WT1: variants seen among roughly 807,000 people sequenced by gnomAD.
WT1 encodes the protein Wilms tumor protein.
Under a neutral mutation model 60.8 loss-of-function variants are expected in WT1, and 8 were observed. That is an observed-to-expected ratio of 0.13 (90% CI 0.08 to 0.24). WT1 has a LOEUF of 0.24. Among genes scored for constraint, WT1 ranks in the 10% least tolerant of loss-of-function variants. The pLI is 1.00. For synonymous variants in WT1, 312 were observed against 297.1 expected (o/e 1.05, Z -0.52); for missense variants, 568 against 711.8 (o/e 0.80, Z 2.30).
intron 3 of WT1, among the ~76,000 whole-genome samples, chr11:32,418,722 G>T (rs1033990165): frequency 2.0e-5 from 3 of 152,102 alleles, no homozygotes; most frequent in Non-Finnish European, 4.4e-5. Context: ...GCTTTTTTCA[G>T]GCCAAGCATA....
chr11:32,395,761 C>CT (rs74309158), intron 7 of WT1, among the ~76,000 whole-genome samples: 15 of 149,612 alleles, frequency 1.0e-4, no homozygotes, highest in African/African-American at 2.7e-4. Flanking sequence ...CATGACTGAC[C>CT]TTTTTTTTTT....
intron 6 of WT1, among the ~76,000 whole-genome samples, chr11:32,397,167 C>A (rs991751825): frequency 1.1e-4 from 17 of 152,220 alleles, no homozygotes; most frequent in South Asian, 2.1e-4. Context: ...AACAAAGAGG[C>A]AAGCTCCCCT....
chr11:32,418,964 T>C (rs185733434), intron 3 of WT1, among the ~76,000 whole-genome samples: 1 of 152,322 alleles, frequency 6.6e-6, no homozygotes, highest in Non-Finnish European at 1.5e-5. Context: ...ACTCAAAGTA[T>C]GTGCCGTTTC....
chr11:32,424,160 CAAAAAA>C (rs10690035), intron 3 of WT1, among the ~76,000 whole-genome samples: 1 of 92,232 alleles, frequency 1.1e-5, no homozygotes, highest in Non-Finnish European at 2.1e-5. Flanking sequence ...GATGCCATCT[CAAAAAA>C]AAAAAAAAAA....
At chr11:32,412,267 A>G (rs567806462) in intron 5 of WT1, among the ~76,000 whole-genome samples, 4 of 152,216 alleles carry the variant, frequency 2.6e-5, no homozygotes, top group Admixed American at 6.5e-5. Context: ...TTCACCACAC[A>G]TCACTCATTG....
At chr11:32,433,875 C>T (rs935076184) in intron 1 of WT1, among the ~76,000 whole-genome samples, 2 of 152,196 alleles carry the variant, frequency 1.3e-5, no homozygotes, top group African/African-American at 4.8e-5. Context: ...CCAGCTGAGC[C>T]CCGCGTTTAC....
intron 5 of WT1, among the ~76,000 whole-genome samples, chr11:32,408,537 AAAAAAAGAAAGAAAG>A (rs1852396283): frequency 6.9e-6 from 1 of 145,450 alleles, no homozygotes; most frequent in Non-Finnish European, 1.5e-5. Flanking sequence ...AAAAAAAAAA[AAAAAAAGAAAGAAAG>A]AAAAAAGAAA....
intron 5 of WT1, among the ~76,000 whole-genome samples, chr11:32,402,338 G>C (rs917170490): frequency 1.3e-5 from 2 of 152,224 alleles, no homozygotes; most frequent in African/African-American, 2.4e-5. Flanking sequence ...TGTTTGTCAG[G>C]AGAAAGAGGC....
In WT1 at chr11:32,388,958, T is replaced by C. The variant is rs1851738551; in HGVS notation, c.*100A>G. On this transcript the variant is annotated 3_prime_UTR_variant, in exon 10 of 10. Coordinates refer to ENST00000452863, the MANE Select transcript of WT1 (RefSeq NM_024426.6). ...TGGAAGTTGGATGAAGAAGATCAAC[T>C]GAAGTTTCCTTTTTAGTGAGGAGGA... 5.6e-6 allele frequency: 9 copies of C among 1,594,414 alleles called. No individual in the cohort carries two copies. In the Middle Eastern group the frequency reaches 6.4e-4, roughly 113 times the overall value.
Position 32,416,539 on chromosome 11 carries a change from C to A in WT1, c.967G>T (p.Val323Phe). 6.2e-7 allele frequency: 1 copy of A among 1,614,070 alleles called. No individual in the cohort carries two copies. Among genetic ancestry groups the A allele is most frequent in the Non-Finnish European group, 8.5e-7 (1 of 1,180,006 alleles). Residue 323 changes from valine to phenylalanine, a missense_variant and splice_region_variant, in exon 5 of 10, where the codon GTT (valine) becomes TTT (phenylalanine). Val to Phe is a conservative substitution (Grantham distance 50). Coordinates refer to ENST00000452863, the MANE Select transcript of WT1 (RefSeq NM_024426.6). Reference sequence around the variant, plus strand: ...ACTGAGCTGGAGCTCCCAGCAGCAACTCTAGAAAAGAAGAAGAGGTGGGGA... The same window carrying A: ...ACTGAGCTGGAGCTCCCAGCAGCAAATCTAGAAAAGAAGAAGAGGTGGGGA...
chr11:32,389,284 TC>T (rs1851750329), intron 9 of WT1, 105 bp from the exon 10 acceptor site: 2 of 1,588,550 alleles, frequency 1.3e-6, no homozygotes, highest in Admixed American at 3.4e-5. Context: ...ACTCTGAATT[TC>T]CCATCATTCT....
At chr11:32,416,690 T>G (rs544069702) in intron 4 of WT1, 150 bp from the exon 5 acceptor site, 1 of 983,208 alleles carries the variant, frequency 1.0e-6, no homozygotes, top group Non-Finnish European at 1.6e-6. Flanking sequence ...CCAGTCCCAC[T>G]GGGGCCAATG....
chr11:32,427,114 C>G (rs1433207214), intron 3 of WT1, among the ~76,000 whole-genome samples: 2 of 152,206 alleles, frequency 1.3e-5, no homozygotes, highest in Non-Finnish European at 2.9e-5. Flanking sequence ...CGCCCAATCC[C>G]GGGCCGCACA....
Position 32,388,195 on chromosome 11 carries a change from A to G in WT1, c.*863T>C, listed in dbSNP as rs1851714957. Reference sequence around the variant, plus strand: ...TTTTAAAGTCACTTTCATTTTTACAACTTGAAGCCATATACCAGCATGGTT... The same window carrying G: ...TTTTAAAGTCACTTTCATTTTTACAGCTTGAAGCCATATACCAGCATGGTT... On this transcript the variant is annotated 3_prime_UTR_variant, in exon 10 of 10. Transcript: ENST00000452863. 8.6e-6 allele frequency: 2 copies of G among 233,618 alleles called. No individual in the cohort carries two copies. Among genetic ancestry groups the G allele is most frequent in the South Asian group, 1.8e-4 (1 of 5,528 alleles). The allele number at this position is 233,618 out of a possible 1,614,324, so 14.5% of individuals were successfully genotyped here.
intron 1 of WT1, among the ~76,000 whole-genome samples, chr11:32,433,056 T>C (rs148759208): frequency 2.0e-5 from 3 of 152,118 alleles, no homozygotes; most frequent in African/African-American, 4.8e-5. Flanking sequence ...CTATGGAGTA[T>C]AACTTCAAGC....
At chr11:32,399,768 G>A (rs1441566807) in intron 6 of WT1, among the ~76,000 whole-genome samples, 180 bp downstream of exon 6, 7 of 152,242 alleles carry the variant, frequency 4.6e-5, no homozygotes. Context: ...GCCTCTCTAG[G>A]AGAGGACACA....
intron 5 of WT1, among the ~76,000 whole-genome samples, chr11:32,401,840 G>A (rs1852168098): frequency 2.0e-5 from 3 of 152,200 alleles, no homozygotes; most frequent in Admixed American, 1.3e-4. Context: ...AGGCCCAGCC[G>A]CATCAGCATT....
Position 32,435,349 on chromosome 11 carries a change from G to A in WT1, c.12C>T (p.Leu4=). ...ACGTGGAAGCCGGGTCCTGCAGCAA[G>A]AGGAAGTCCAGGATCGCGGCGAGGA... is the stretch of plus-strand genomic sequence containing the variant. Residue 4 remains leucine, a synonymous_variant, in exon 1 of 10, where the codon CTC becomes CTT. Transcript: ENST00000452863. The A allele has an allele frequency of 6.5e-7, 1 of 1,530,228 alleles. No homozygotes were observed. The highest frequency in any genetic ancestry group is 1.4e-5 in the African/African-American group (1 of 72,608). 94.8% of individuals were successfully genotyped at this position (1,530,228 alleles called of 1,614,324 possible). A position where few individuals can be genotyped will look rare whatever the true frequency, so the allele number is the denominator to read the frequency against.
At chr11:32,402,986 A>G (rs1852201150) in intron 5 of WT1, among the ~76,000 whole-genome samples, 1 of 152,216 alleles carries the variant, frequency 6.6e-6, no homozygotes, top group Non-Finnish European at 1.5e-5. Flanking sequence ...GGGTGGGGGC[A>G]TGGGAACAGA....
Sources: allele counts gnomAD v4.1 joint callset (sites outside exome capture counted in the v4.1 genomes callset), GRCh38; gene constraint gnomAD v4.1.1; transcripts MANE v1.5; gene names NCBI Gene and HGNC (gene_info 2026-07-23, HGNC 2026-07-21).